Variants in ANKS1A observed in about 807,000 individuals in gnomAD.
ANKS1A encodes the protein ankyrin repeat and SAM domain-containing protein 1A.
In ANKS1A, 55 loss-of-function variants were observed where a neutral mutation model predicts 120.3. The ratio of observed to expected loss-of-function variants is 0.46; its 90% CI spans 0.37 to 0.57. The LOEUF (loss-of-function observed/expected upper bound fraction) is 0.57, where lower values mean the gene tolerates loss of function less well. Ranked by LOEUF, ANKS1A falls within the 20% of genes least tolerant of loss-of-function variation. ANKS1A has a pLI of 0.00. For missense variants in ANKS1A, 1,123 were observed against 1,480.3 expected, an observed-to-expected ratio of 0.76 and a Z score of 3.96; for synonymous variants, 590 against 604.7, an observed-to-expected ratio of 0.98 and a Z score of 0.36.
rs1265193936 is a variant in ANKS1A, at chr6:35,085,106, G to T, written c.3133-660G>T. On this transcript the variant is annotated intron_variant, in intron 21 of 23. Transcript: ENST00000360359. This position sits in a 1 kb window ranked among gnomAD's most constrained non-coding sequence, Gnocchi z 4.7. ...CTCTGTTTGCTCTGGGCCAGTGAAG[G>T]TTAGGAGGAACCAGGCTTTGCTGCT... 6.6e-6 allele frequency among the ~76,000 whole-genome samples: 1 copy of T among 152,172 alleles called. No homozygotes were observed. The highest frequency in any genetic ancestry group is 1.5e-5 in the Non-Finnish European group (1 of 68,034).
At chr6:34,996,208 G>T (rs1772847750) in intron 10 of ANKS1A, among the ~76,000 whole-genome samples, 1 of 152,070 alleles carries the variant, frequency 6.6e-6, no homozygotes, top group African/African-American at 2.4e-5. Flanking sequence ...GTTGAGCATT[G>T]ATTAATGTGA....
At chr6:34,924,312 C>T (rs1166059961) in intron 1 of ANKS1A, among the ~76,000 whole-genome samples, 2 of 152,240 alleles carry the variant, frequency 1.3e-5, no homozygotes, top group African/African-American at 2.4e-5. Context: ...TTATAGCCCT[C>T]AGTTGTCATT....
intron 11 of ANKS1A, among the ~76,000 whole-genome samples, chr6:35,051,180 C>T (rs1204123032): frequency 6.6e-6 from 1 of 151,644 alleles, no homozygotes; most frequent in African/African-American, 2.4e-5. Context: ...GGTGACAGAG[C>T]AAGACCATGT....
Position 35,046,865 on chromosome 6 carries a change from A to G in ANKS1A, c.2011-7234A>G, listed in dbSNP as rs138525621. Among the ~76,000 whole-genome samples, 257 of 152,344 alleles carry G rather than the reference A, an allele frequency of 1.7e-3. 1 individual carries two copies. The highest frequency in any genetic ancestry group is 6.0e-3 in the African/African-American group (249 of 41,570). On this transcript the variant is annotated intron_variant, in intron 11 of 23. Transcript: ENST00000360359. ...GTCTAACCCAAATTCCTATCAAGATACTGAACATTACTGTCACTCCCAGAA... is the reference window on the plus strand; with the variant it reads ...GTCTAACCCAAATTCCTATCAAGATGCTGAACATTACTGTCACTCCCAGAA...
At chr6:35,007,683 GT>G (rs1773535762) in intron 10 of ANKS1A, among the ~76,000 whole-genome samples, 1 of 152,204 alleles carries the variant, frequency 6.6e-6, no homozygotes, top group Non-Finnish European at 1.5e-5. Context: ...TTGGGTCCAG[GT>G]GAAGTGGTAC....
Position 34,889,983 on chromosome 6 carries a change from A to G in ANKS1A, c.197+384A>G, listed in dbSNP as rs952245557. The stretch of plus-strand genomic sequence containing the variant: ...ATATGAGATCTCCCTCACCTCCTGC[A>G]GAAACTCCTACGCCTTGTAGAATCT... On this transcript the variant is annotated intron_variant, in intron 1 of 23. Coordinates refer to ENST00000360359, the MANE Select transcript of ANKS1A (RefSeq NM_015245.3). The surrounding 1 kb of genome is among the most constrained non-coding windows in gnomAD (Gnocchi z 5.5). 6.6e-6 allele frequency among the ~76,000 whole-genome samples: 1 copy of G among 152,164 alleles called. No individual in the cohort carries two copies. Among genetic ancestry groups the G allele is most frequent in the African/African-American group, 2.4e-5 (1 of 41,442 alleles).
intron 1 of ANKS1A, among the ~76,000 whole-genome samples, chr6:34,916,921 A>T (rs536137946): frequency 6.6e-6 from 1 of 152,362 alleles, no homozygotes; most frequent in South Asian, 2.1e-4. Context: ...TTAAGGCGGC[A>T]GCAATGTGCC....
chr6:35,093,259 C>T (rs986120507), downstream of ANKS1A, among the ~76,000 whole-genome samples: 1 of 152,100 alleles, frequency 6.6e-6, no homozygotes, highest in Admixed American at 6.6e-5. Flanking sequence ...ATTTATTACT[C>T]AGTAAATGGA....
intron 10 of ANKS1A, chr6:35,010,065 G>A (rs974310566): frequency 6.9e-5 from 12 of 174,716 alleles, no homozygotes; most frequent in Admixed American, 2.5e-4. Flanking sequence ...GTGTGCACCC[G>A]TAGTCCTAGC....
At chr6:34,899,070 G>A (rs888640218) in intron 1 of ANKS1A, among the ~76,000 whole-genome samples, 3 of 152,144 alleles carry the variant, frequency 2.0e-5, no homozygotes, top group Non-Finnish European at 4.4e-5. Context: ...TATTCAAATT[G>A]CACCTCAAAA....
At chr6:34,973,885 TCACTTCCCCTTCCCTTC>T (rs1295385683) in intron 3 of ANKS1A, among the ~76,000 whole-genome samples, 109 of 40,658 alleles carry the variant, frequency 2.7e-3, no homozygotes, top group Non-Finnish European at 3.6e-3. Context: ...CCCTTCCCCT[TCACTTCCCCTTCCCTTC>T]CCCTTCCCCT....
chr6:35,090,590 G>GTTTA lies in ANKS1A; in HGVS notation c.*1985_*1988dup, dbSNP rs1383189587. The GTTTA allele has an allele frequency of 9.1e-6, 9 of 992,654 alleles. No homozygotes were observed. Among genetic ancestry groups the GTTTA allele is most frequent in the Non-Finnish European group, 1.1e-5 (9 of 834,522 alleles). The allele number at this position is 992,654 out of a possible 1,614,324, so 61.5% of individuals were successfully genotyped here. On this transcript the variant is annotated 3_prime_UTR_variant, in exon 24 of 24. Transcript: ENST00000360359. ...AGCTCTGGGTTCTGTTTAGAGATTGGTTTATTTCTGAATATTCAAGAAAGG... is the reference window on the plus strand; with the variant it reads ...AGCTCTGGGTTCTGTTTAGAGATTGGTTTATTTATTTCTGAATATTCAAGAAAGG...
intron 12 of ANKS1A, among the ~76,000 whole-genome samples, chr6:35,059,522 G>A (rs1776379502): frequency 6.6e-6 from 1 of 152,248 alleles, no homozygotes; most frequent in Non-Finnish European, 1.5e-5. Flanking sequence ...TGTGTTGCAT[G>A]TGCTGGGTCC....
At chr6:35,021,601 G>A (rs907042305) in intron 11 of ANKS1A, among the ~76,000 whole-genome samples, 16 of 152,222 alleles carry the variant, frequency 1.1e-4, no homozygotes, top group Admixed American at 1.0e-3. Flanking sequence ...TGCATAAAGT[G>A]TTGACTAAAT....
At chr6:35,061,301 G>A (rs998851301) in intron 13 of ANKS1A, among the ~76,000 whole-genome samples, 1 of 152,208 alleles carries the variant, frequency 6.6e-6, no homozygotes, top group Admixed American at 6.5e-5. Flanking sequence ...ATACAGGGAT[G>A]GGGGCGTGGC....
chr6:35,029,252 T>G (rs1176991620), intron 11 of ANKS1A, among the ~76,000 whole-genome samples: 6 of 152,074 alleles, frequency 3.9e-5, no homozygotes, highest in Admixed American at 6.6e-5. Context: ...TATGATATGA[T>G]TTGTCTTTTG....
intron 1 of ANKS1A, among the ~76,000 whole-genome samples, chr6:34,922,940 C>T (rs1184423286): frequency 1.3e-5 from 2 of 152,140 alleles, no homozygotes; most frequent in South Asian, 2.1e-4. Flanking sequence ...ATCCGCCCCT[C>T]TCGGCCTCCC....
Position 35,081,175 on chromosome 6 carries a change from G to A in ANKS1A, c.2709+17G>A, listed in dbSNP as rs1360970226. ...AGGATCCAGGTGGGGCAGGGGGAGT[G>A]GAGGTGCAGCCAGGCTCTACCTCAT... is the stretch of plus-strand genomic sequence containing the variant. On this transcript the variant is annotated intron_variant, in intron 17 of 23. Coordinates refer to ENST00000360359, the MANE Select transcript of ANKS1A (RefSeq NM_015245.3). 1 of 1,598,418 alleles carries A rather than the reference G, an allele frequency of 6.3e-7. No homozygotes were observed.
chr6:34,966,012 G>A (rs2127507203), intron 1 of ANKS1A, among the ~76,000 whole-genome samples: 1 of 152,182 alleles, frequency 6.6e-6, no homozygotes, highest in South Asian at 2.1e-4. Context: ...CAAAGTGCTG[G>A]GATTATAAGC....
Sources: allele counts gnomAD v4.1 joint callset (sites outside exome capture counted in the v4.1 genomes callset), GRCh38; gene constraint gnomAD v4.1.1; non-coding constraint Gnocchi (gnomAD v3.1); transcripts MANE v1.5; gene names NCBI Gene and HGNC (gene_info 2026-07-23, HGNC 2026-07-21).